STPG2: variants seen among roughly 807,000 people sequenced by gnomAD.
STPG2 encodes the protein sperm tail PG-rich repeat containing 2, also known as sperm-tail PG-rich repeat-containing protein 2.
A neutral mutation model predicts 54.2 loss-of-function variants in STPG2; 56 were observed. That is an observed-to-expected ratio of 1.03 (90% CI 0.83 to 1.29). The LOEUF is 1.29. Ranked by LOEUF, STPG2 falls within the 50% of genes most tolerant of loss-of-function variation. STPG2 has a pLI of 0.00. For synonymous variants in STPG2, 200 were observed against 181.8 expected, an observed-to-expected ratio of 1.10 and a Z score of -0.81; for missense variants, 596 against 544.9, an observed-to-expected ratio of 1.09 and a Z score of -0.93.
At chr4:97,564,124 G>T (rs1732348031) in intron 10 of STPG2, among the ~76,000 whole-genome samples, 1 of 152,152 alleles carries the variant, frequency 6.6e-6, no homozygotes, top group Non-Finnish European at 1.5e-5. Context: ...CTCCTGTATT[G>T]GGTGCATATA....
chr4:98,010,795 C>T (rs1047543337), intron 5 of STPG2, among the ~76,000 whole-genome samples: 10 of 151,956 alleles, frequency 6.6e-5, no homozygotes, highest in Admixed American at 2.0e-4. Flanking sequence ...ATATTGTGTA[C>T]ATCTGTTTAC....
intron 5 of STPG2, among the ~76,000 whole-genome samples, chr4:98,101,864 T>TCCCCCCCCCCCCCCCCCCCC (rs140638030): frequency 1.4e-5 from 2 of 143,880 alleles, no homozygotes; most frequent in African/African-American, 2.6e-5. Context: ...TTTCATTATC[T>TCCCCCCCCCCCCCCCCCCCC]TCCCCCTCCC....
chr4:97,627,696 A>G (rs1032732101), intron 10 of STPG2, among the ~76,000 whole-genome samples: 1 of 152,198 alleles, frequency 6.6e-6, no homozygotes, highest in African/African-American at 2.4e-5. Context: ...CTACAGATAC[A>G]TAGAGAATTT....
chr4:97,828,085 T>C (rs1439365008), intron 9 of STPG2, among the ~76,000 whole-genome samples: 1 of 152,160 alleles, frequency 6.6e-6, no homozygotes, highest in Middle Eastern at 3.2e-3. Context: ...TAATCATTCT[T>C]GGATTTGATG....
intron 8 of STPG2, among the ~76,000 whole-genome samples, chr4:97,862,689 G>A (rs1436584427): frequency 6.6e-6 from 1 of 152,088 alleles, no homozygotes; most frequent in African/African-American, 2.4e-5. Flanking sequence ...TCACCACGGA[G>A]TTGGAAGTAA....
At chr4:97,518,095 G>A (rs1049013265) in intron 4 of STPG2, among the ~76,000 whole-genome samples, 1 of 152,064 alleles carries the variant, frequency 6.6e-6, no homozygotes, top group African/African-American at 2.4e-5. Context: ...AGACTGCCTA[G>A]AGCTGTGTCA....
chr4:97,564,929 G>A lies in STPG2; in HGVS notation c.1321-5812C>T, dbSNP rs547491691. On this transcript the variant is annotated intron_variant, in intron 10 of 10. Transcript: ENST00000295268. ...TATGTGTCTTGGAGTTGCTCTTCTC[G>A]AGGAGTATCTTTGTGGCGTTCTCTG... 5.4e-3 allele frequency among the ~76,000 whole-genome samples: 829 copies of A among 152,156 alleles called. 7 individuals are homozygous for A. The highest frequency in any genetic ancestry group is 0.017 in the Middle Eastern group (5 of 294).
chr4:97,585,115 AAAAAAAAAAC>A (rs1464899171), intron 10 of STPG2, among the ~76,000 whole-genome samples: 2 of 148,334 alleles, frequency 1.3e-5, no homozygotes, highest in African/African-American at 5.1e-5. Context: ...AAAAAAAAAA[AAAAAAAAAAC>A]AAAACTACAA....
intron 5 of STPG2, among the ~76,000 whole-genome samples, chr4:97,988,388 G>A (rs1451959340): frequency 3.9e-5 from 6 of 151,968 alleles, no homozygotes; most frequent in Admixed American, 3.3e-4. Flanking sequence ...CTAAGCTCCA[G>A]AAAGGTCAAG....
intron 4 of STPG2, among the ~76,000 whole-genome samples, chr4:97,489,372 G>C (rs1056563336): frequency 6.6e-6 from 1 of 151,710 alleles, no homozygotes; most frequent in Non-Finnish European, 1.5e-5. Context: ...AGAAATCAGA[G>C]GTTTATTTTC....
intron 10 of STPG2, among the ~76,000 whole-genome samples, chr4:97,574,883 T>G (rs1320418192): frequency 1.3e-5 from 2 of 151,934 alleles, no homozygotes; most frequent in African/African-American, 4.8e-5. Context: ...TGTAAAAAAT[T>G]TTATTTAATA....
At chr4:97,869,086 A>T (rs1729889802) in intron 8 of STPG2, among the ~76,000 whole-genome samples, 1 of 151,854 alleles carries the variant, frequency 6.6e-6, no homozygotes, top group Non-Finnish European at 1.5e-5. Flanking sequence ...GAAAGTTTGA[A>T]GAGCTCATAA....
At chr4:97,873,995 TA>T (rs1187840677) in intron 8 of STPG2, among the ~76,000 whole-genome samples, 1 of 151,506 alleles carries the variant, frequency 6.6e-6, no homozygotes, top group African/African-American at 2.4e-5. Flanking sequence ...TCTAATTATG[TA>T]ATTAAAATAA....
intron 5 of STPG2, among the ~76,000 whole-genome samples, chr4:98,075,513 G>A (rs924715703): frequency 2.6e-5 from 4 of 152,130 alleles, no homozygotes; most frequent in Admixed American, 6.5e-5. Context: ...AGAATGTCAG[G>A]TTAACATCAA....
At chr4:98,010,769 C>T (rs1227379081) in intron 5 of STPG2, among the ~76,000 whole-genome samples, 1 of 151,980 alleles carries the variant, frequency 6.6e-6, no homozygotes, top group Admixed American at 6.6e-5. Flanking sequence ...TGCTATGCTT[C>T]GAATCCTTTT....
intron 10 of STPG2, among the ~76,000 whole-genome samples, chr4:97,651,444 T>G (rs1210775143): frequency 6.6e-6 from 1 of 152,084 alleles, no homozygotes; most frequent in Non-Finnish European, 1.5e-5. Flanking sequence ...ATAAATTATT[T>G]TGCTACAACT....
At chr4:98,114,049 ACTCCTCT>A (rs11279623) in intron 3 of STPG2, among the ~76,000 whole-genome samples, 59,509 of 151,154 alleles carry the variant, frequency 0.39, 11,876 homozygotes, top group African/African-American at 0.45. Flanking sequence ...AGTTGAAAAC[ACTCCTCT>A]CTCCTCTTCT....
intron 5 of STPG2, chr4:98,026,113 T>C: frequency 6.9e-7 from 1 of 1,459,770 alleles, no homozygotes; most frequent in South Asian, 1.2e-5. Context: ...CTCATGCTGC[T>C]ATACGAGAGA....
At chr4:98,038,030 T>C (rs1402223177) in intron 5 of STPG2, among the ~76,000 whole-genome samples, 2 of 152,080 alleles carry the variant, frequency 1.3e-5, no homozygotes, top group Non-Finnish European at 2.9e-5. Flanking sequence ...TTTTTTGCTT[T>C]TGCTTTTTAT....
Sources: allele counts gnomAD v4.1 joint callset (sites outside exome capture counted in the v4.1 genomes callset), GRCh38; gene constraint gnomAD v4.1.1; transcripts MANE v1.5; gene names NCBI Gene and HGNC (gene_info 2026-07-23, HGNC 2026-07-21).